Variants in WDFY4 observed in about 807,000 individuals in gnomAD.
WDFY4 encodes the protein WD repeat- and FYVE domain-containing protein 4.
Under a neutral mutation model 351.9 loss-of-function variants are expected in WDFY4, and 169 were observed. The ratio of observed to expected loss-of-function variants is 0.48; its 90% CI spans 0.42 to 0.55. WDFY4 has a LOEUF of 0.55. Ranked by LOEUF, WDFY4 falls within the 20% of genes least tolerant of loss-of-function variation. The pLI is 0.00. For synonymous variants in WDFY4, 1,622 were observed against 1,574.6 expected (o/e 1.03, Z -0.71); for missense variants, 3,803 against 3,935.6 (o/e 0.97, Z 0.90).
At chr10:48,732,526 A>T (rs2064499216) in intron 9 of WDFY4, among the ~76,000 whole-genome samples, 1 of 152,168 alleles carries the variant, frequency 6.6e-6, no homozygotes, top group Non-Finnish European at 1.5e-5. Flanking sequence ...CAAGGTCACC[A>T]GTCTGTCTGT....
intron 2 of WDFY4, among the ~76,000 whole-genome samples, chr10:48,713,907 A>G (rs944822854): frequency 1.3e-5 from 2 of 152,210 alleles, no homozygotes; most frequent in African/African-American, 4.8e-5. Context: ...CCTAGGTTCC[A>G]ATACTAGCAA....
intron 12 of WDFY4, among the ~76,000 whole-genome samples, chr10:48,743,913 T>C (rs1431040330): frequency 6.6e-6 from 1 of 152,056 alleles, no homozygotes; most frequent in Non-Finnish European, 1.5e-5. Context: ...TCTTCTCAGG[T>C]TTTATCTCCT....
intron 10 of WDFY4, among the ~76,000 whole-genome samples, chr10:48,734,942 A>ATTTT (rs3079302): frequency 0.011 from 1,308 of 123,126 alleles, 12 homozygotes; most frequent in Middle Eastern, 0.018. Flanking sequence ...TGCACGGCTA[A>ATTTT]TTTTTTTTTT....
In WDFY4 at chr10:48,982,920, G is replaced by T. The variant is rs760148725; in HGVS notation, c.*345G>T. 2.4e-4 allele frequency: 89 copies of T among 363,322 alleles called. No individual in the cohort carries two copies. The highest frequency in any genetic ancestry group is 8.2e-4 in the Admixed American group (22 of 26,960). 22.5% of individuals were successfully genotyped at this position (363,322 alleles called of 1,614,324 possible). On this transcript the variant is annotated 3_prime_UTR_variant, in exon 62 of 62. Coordinates refer to ENST00000325239, the MANE Select transcript of WDFY4 (RefSeq NM_001394531.1). Reference sequence around the variant, plus strand: ...GTCGCTTACTGGAAATTATTGTATTGTCTTTATTTTATTAAAGCAACTATG... The same window carrying T: ...GTCGCTTACTGGAAATTATTGTATTTTCTTTATTTTATTAAAGCAACTATG...
chr10:48,696,413 AG>A (rs1415441664), intron 1 of WDFY4, among the ~76,000 whole-genome samples: 1 of 152,156 alleles, frequency 6.6e-6, no homozygotes, highest in Non-Finnish European at 1.5e-5. Context: ...CCCCCAACAC[AG>A]GCTTGGTCTT....
intron 54 of WDFY4, among the ~76,000 whole-genome samples, chr10:48,965,291 T>G (rs989336224): frequency 1.3e-5 from 2 of 152,064 alleles, no homozygotes. Flanking sequence ...CATAGGTGCT[T>G]TCACAAGTAT....
chr10:48,934,590 C>T (rs1437886759), intron 47 of WDFY4, among the ~76,000 whole-genome samples: 1 of 152,240 alleles, frequency 6.6e-6, no homozygotes, highest in Non-Finnish European at 1.5e-5. Flanking sequence ...GGCTTAACCA[C>T]TTATTAGTGG....
intron 44 of WDFY4, 106 bp downstream of exon 44, chr10:48,890,833 T>C: frequency 6.8e-7 from 1 of 1,466,092 alleles, no homozygotes; most frequent in Non-Finnish European, 9.2e-7. Flanking sequence ...TGGGCTTAGA[T>C]TTGGGCCTGA....
intron 14 of WDFY4, among the ~76,000 whole-genome samples, chr10:48,775,382 G>A (rs777419029): frequency 2.6e-5 from 4 of 152,174 alleles, no homozygotes; most frequent in African/African-American, 7.2e-5. Flanking sequence ...ACCCAGGGGC[G>A]GGCACGACAG....
intron 43 of WDFY4, among the ~76,000 whole-genome samples, chr10:48,886,173 T>C (rs578045001): frequency 1.3e-5 from 2 of 152,332 alleles, no homozygotes; most frequent in South Asian, 4.1e-4. Flanking sequence ...TCAGTTTTCC[T>C]ACCTATAAAA....
At chr10:48,741,961 CT>C (rs1479721488) in intron 11 of WDFY4, among the ~76,000 whole-genome samples, 1 of 152,196 alleles carries the variant, frequency 6.6e-6, no homozygotes, top group African/African-American at 2.4e-5. Flanking sequence ...AAATTACAGA[CT>C]TTTAATACTT....
intron 47 of WDFY4, among the ~76,000 whole-genome samples, chr10:48,911,894 A>G (rs1838039002): frequency 2.0e-5 from 3 of 152,230 alleles, no homozygotes; most frequent in Non-Finnish European, 4.4e-5. Context: ...TAAGCATTAC[A>G]AGAGGAAGTA....
At chr10:48,768,716 AGAG>A (rs2065757712) in intron 13 of WDFY4, among the ~76,000 whole-genome samples, 1 of 139,002 alleles carries the variant, frequency 7.2e-6, no homozygotes, top group African/African-American at 2.9e-5. Context: ...TGGGGGTGGG[AGAG>A]GAGAAGAGAG....
rs544586370 is a variant in WDFY4, at chr10:48,894,035, C to T, written c.7316+3308C>T. On this transcript the variant is annotated intron_variant, in intron 44 of 61. Transcript: ENST00000325239. ...TAGAACATGTAGGGTGTAGTATTGT[C>T]GAAGACTCCCAATCACAGCTGTGTG... 5.3e-5 allele frequency among the ~76,000 whole-genome samples: 8 copies of T among 152,186 alleles called. No homozygotes were observed. In the East Asian group the frequency reaches 9.6e-4, roughly 18 times the overall value.
chr10:48,956,468 T>C (rs957578927), intron 51 of WDFY4, among the ~76,000 whole-genome samples: 1 of 152,146 alleles, frequency 6.6e-6, no homozygotes, highest in Non-Finnish European at 1.5e-5. Flanking sequence ...GTGTTGGATG[T>C]CACCAGGGCC....
intron 42 of WDFY4, among the ~76,000 whole-genome samples, chr10:48,875,354 A>G (rs2069955685): frequency 6.6e-6 from 1 of 152,222 alleles, no homozygotes; most frequent in South Asian, 2.1e-4. Flanking sequence ...AGGTTGCAAC[A>G]ATAACAATTT....
intron 45 of WDFY4, 149 bp downstream of exon 45, chr10:48,897,723 C>T: frequency 7.7e-7 from 1 of 1,303,184 alleles, no homozygotes; most frequent in Admixed American, 2.7e-5. Context: ...CCCGCAAGTT[C>T]CCTGGGCTTG....
intron 13 of WDFY4, among the ~76,000 whole-genome samples, chr10:48,762,091 CT>C (rs763895750): frequency 4.7e-4 from 72 of 152,304 alleles, no homozygotes; most frequent in Non-Finnish European, 8.8e-4. Flanking sequence ...TCCAGCTTTG[CT>C]TTGTCCAGGA....
At chr10:48,934,286 A>G (rs185536692) in intron 47 of WDFY4, among the ~76,000 whole-genome samples, 311 of 152,346 alleles carry the variant, frequency 2.0e-3, no homozygotes, top group Non-Finnish European at 3.7e-3. Flanking sequence ...TTTTTAGCAC[A>G]TTAAAATGAG....
Sources: gnomAD v4.1 joint callset for allele counts (sites outside exome capture counted in the v4.1 genomes callset) on GRCh38, gnomAD v4.1.1 for gene constraint, MANE v1.5 for transcripts, NCBI Gene and HGNC (gene_info 2026-07-23, HGNC 2026-07-21) for gene names.